Variants in MYO5B observed in about 807,000 individuals in gnomAD.
MYO5B encodes the protein unconventional myosin-Vb.
In MYO5B, 143 loss-of-function variants were observed where a neutral mutation model predicts 229.3. That is an observed-to-expected ratio of 0.62 (90% CI 0.54 to 0.72). The LOEUF (loss-of-function observed/expected upper bound fraction) is 0.72, where lower values mean the gene tolerates loss of function less well. Ranked by LOEUF, MYO5B falls within the 30% of genes least tolerant of loss-of-function variation. The probability of loss-of-function intolerance (pLI) is 0.00; values close to 1 mark genes in which losing one functional copy is unlikely to be tolerated. For missense variants in MYO5B, 2,321 were observed against 2,331.0 expected (o/e 1.00, Z 0.09); for synonymous variants, 918 against 885.2 (o/e 1.04, Z -0.66).
chr18:50,027,308 A>T (rs1328434548), intron 4 of MYO5B, among the ~76,000 whole-genome samples: 3 of 152,228 alleles, frequency 2.0e-5, no homozygotes, highest in Admixed American at 6.5e-5. Context: ...AATGCTGTGT[A>T]ACTAGAACGG....
chr18:49,950,494 T>G (rs745532078), intron 14 of MYO5B, among the ~76,000 whole-genome samples: 1 of 152,206 alleles, frequency 6.6e-6, no homozygotes, highest in Non-Finnish European at 1.5e-5. Context: ...AGGATATTCA[T>G]TGCTACATTA....
chr18:50,147,696 C>T (rs1422517042), intron 1 of MYO5B, among the ~76,000 whole-genome samples: 1 of 152,132 alleles, frequency 6.6e-6, no homozygotes, highest in African/African-American at 2.4e-5. Flanking sequence ...GAGCCTGGCC[C>T]CAGTGACCTC....
chr18:50,017,710 A>G (rs2026230984), intron 4 of MYO5B, among the ~76,000 whole-genome samples: 1 of 152,180 alleles, frequency 6.6e-6, no homozygotes, highest in South Asian at 2.1e-4. Context: ...ACAGTTGTTG[A>G]AAATCTCATA....
intron 1 of MYO5B, among the ~76,000 whole-genome samples, chr18:50,090,718 T>C (rs77603430): frequency 0.056 from 8,524 of 152,274 alleles, 277 homozygotes; most frequent in African/African-American, 0.087. Flanking sequence ...TACCAAAGTC[T>C]GCCTACAACT....
At position 49,963,169 on chromosome 18, in the gene MYO5B, C is replaced by G. The variant is rs1011238755; in HGVS notation, c.1323-139G>C. 3 of 744,572 alleles carry G rather than the reference C, an allele frequency of 4.0e-6. No homozygotes were observed. In the African/African-American group the frequency reaches 5.2e-5, roughly 13 times the overall value. The allele number at this position is 744,572 out of a possible 1,614,324, so 46.1% of individuals were successfully genotyped here. On this transcript the variant is annotated intron_variant, in intron 10 of 39. Transcript: ENST00000285039. Reference sequence around the variant, plus strand: ...TTGTCTCATCTTGTGTTCAGAGAGACCACTGTTGCAGAAGTTAGCACTACA... The same window carrying G: ...TTGTCTCATCTTGTGTTCAGAGAGAGCACTGTTGCAGAAGTTAGCACTACA...
In MYO5B at chr18:50,194,782, G is replaced by A. The variant is rs1392926174; in HGVS notation, c.12C>T (p.Gly4=). Residue 4 remains glycine, a synonymous_variant, in exon 1 of 40, where the codon GGC becomes GGT. Transcript: ENST00000285039. ...CCGCGCTCACCTGGCTGTAGAGCTCGCCCACCGACATGGCCCGGGCCGGGC... is the reference window on the plus strand; with the variant it reads ...CCGCGCTCACCTGGCTGTAGAGCTCACCCACCGACATGGCCCGGGCCGGGC... MSV[G]ELYSQCTRVW... 1.4e-6 allele frequency: 2 copies of A among 1,457,282 alleles called. No individual in the cohort carries two copies. The highest frequency in any genetic ancestry group is 3.0e-5 in the East Asian group (1 of 33,238). 90.3% of individuals were successfully genotyped at this position (1,457,282 alleles called of 1,614,324 possible).
intron 1 of MYO5B, among the ~76,000 whole-genome samples, chr18:50,182,870 C>A (rs1253290670): frequency 6.6e-6 from 1 of 152,068 alleles, no homozygotes; most frequent in East Asian, 1.9e-4. Context: ...AAACTTTAAA[C>A]CAATTCAATG....
chr18:50,108,072 C>T (rs1311891941), intron 1 of MYO5B, among the ~76,000 whole-genome samples: 3 of 152,146 alleles, frequency 2.0e-5, no homozygotes, highest in African/African-American at 4.8e-5. Context: ...CCATGCCTGG[C>T]TAATTTTTGT....
chr18:49,979,487 TC>T (rs1182228707), intron 9 of MYO5B, among the ~76,000 whole-genome samples: 1 of 152,184 alleles, frequency 6.6e-6, no homozygotes, highest in African/African-American at 2.4e-5. Context: ...GGTCTTCCTC[TC>T]CCTGAAGACA....
In MYO5B at chr18:50,183,331, ATATATATC is replaced by A. The variant is rs1197834165; in HGVS notation, c.27+11428_27+11435del. ...CATATATATATATATATATATATAT[ATATATATC>A]TCCTTCAATACTATTCATTTTGTTT... On this transcript the variant is annotated intron_variant, in intron 1 of 39. Transcript: ENST00000285039. 2.3e-3 allele frequency among the ~76,000 whole-genome samples: 244 copies of A among 105,580 alleles called. 8 individuals carry two copies. Among genetic ancestry groups the A allele is most frequent in the Non-Finnish European group, 3.7e-3 (178 of 47,956 alleles). The allele number at this position is 105,580 out of a possible 152,430, so 69.3% of individuals were successfully genotyped here. A position where few individuals can be genotyped will look rare whatever the true frequency, so the allele number is the denominator to read the frequency against.
intron 33 of MYO5B, among the ~76,000 whole-genome samples, chr18:49,845,058 CA>C (rs1303395874): frequency 6.6e-6 from 1 of 152,132 alleles, no homozygotes; most frequent in African/African-American, 2.4e-5. Flanking sequence ...GCCACCTGAG[CA>C]AGGGTCATCT....
At chr18:49,936,434 G>C in intron 15 of MYO5B, 85 bp from the exon 16 acceptor site, 1 of 952,706 alleles carries the variant, frequency 1.0e-6, no homozygotes, top group Non-Finnish European at 1.7e-6. Flanking sequence ...GGTGGCGGTA[G>C]TTATTGTTAC....
intron 22 of MYO5B, among the ~76,000 whole-genome samples, chr18:49,887,878 G>T (rs927097566): frequency 6.6e-6 from 1 of 151,906 alleles, no homozygotes; most frequent in East Asian, 1.9e-4. Context: ...TAGTAGAGAC[G>T]TGTTTCATCA....
intron 2 of MYO5B, among the ~76,000 whole-genome samples, chr18:50,052,253 A>C (rs868428099): frequency 4.1e-4 from 63 of 152,176 alleles, no homozygotes; most frequent in Middle Eastern, 6.8e-3. Flanking sequence ...GACACATGCA[A>C]ACGTATGTTT....
intron 15 of MYO5B, among the ~76,000 whole-genome samples, 196 bp from the exon 16 acceptor site, chr18:49,936,545 T>C (rs2025252397): frequency 6.6e-6 from 1 of 152,092 alleles, no homozygotes; most frequent in Non-Finnish European, 1.5e-5. Flanking sequence ...ATCAAGTCCT[T>C]CCTATTTAAG....
At chr18:50,182,677 T>C (rs551778128) in intron 1 of MYO5B, among the ~76,000 whole-genome samples, 6 of 152,234 alleles carry the variant, frequency 3.9e-5, no homozygotes, top group Non-Finnish European at 5.9e-5. Context: ...CCACATTCCA[T>C]AGACTTTGGC....
chr18:50,151,482 C>A (rs1276021386), intron 1 of MYO5B, among the ~76,000 whole-genome samples: 1 of 152,268 alleles, frequency 6.6e-6, no homozygotes, highest in African/African-American at 2.4e-5. Context: ...CTATTCAAAG[C>A]CTTCTTGGAT....
At chr18:49,954,862 G>A (rs1289047344) in intron 12 of MYO5B, among the ~76,000 whole-genome samples, 1 of 152,220 alleles carries the variant, frequency 6.6e-6, no homozygotes, top group Admixed American at 6.5e-5. Context: ...TCCTGCCACA[G>A]GAAAGCCTAC....
Position 49,823,372 on chromosome 18 carries a change from C to T in MYO5B, c.*3099G>A, listed in dbSNP as rs1791197490. 4 of 152,304 alleles carry T rather than the reference C, an allele frequency of 2.6e-5. No individual in the cohort carries two copies. The South Asian group carries it at 8.3e-4, about 31-fold the overall frequency. The allele number at this position is 152,304 out of a possible 1,614,324, so 9.4% of individuals were successfully genotyped here. On this transcript the variant is annotated 3_prime_UTR_variant, in exon 40 of 40. Coordinates refer to ENST00000285039, the MANE Select transcript of MYO5B (RefSeq NM_001080467.3). ...CCCCATGCTGTCCCATTTTAGTGACCATTTAGTTATGCAGGCATTATACAA... is the reference window on the plus strand; with the variant it reads ...CCCCATGCTGTCCCATTTTAGTGACTATTTAGTTATGCAGGCATTATACAA...
Sources: gnomAD v4.1 joint callset for allele counts (sites outside exome capture counted in the v4.1 genomes callset) on GRCh38, gnomAD v4.1.1 for gene constraint, MANE v1.5 for transcripts, NCBI Gene and HGNC (gene_info 2026-07-23, HGNC 2026-07-21) for gene names.